The following GRK3 variants were observed in gnomAD, a reference collection of about 807,000 sequenced individuals.
GRK3 encodes the protein G protein-coupled receptor kinase 3.
Under a neutral mutation model 95.7 loss-of-function variants are expected in GRK3, and 54 were observed. That is an observed-to-expected ratio of 0.56 (90% CI 0.45 to 0.71). GRK3 has a LOEUF of 0.71. Ranked by LOEUF, GRK3 falls within the 30% of genes least tolerant of loss-of-function variation. The probability of loss-of-function intolerance (pLI) is 0.00; values close to 1 mark genes in which losing one functional copy is unlikely to be tolerated. For synonymous variants in GRK3, 281 were observed against 290.8 expected, an observed-to-expected ratio of 0.97 and a Z score of 0.34; for missense variants, 649 against 851.2, an observed-to-expected ratio of 0.76 and a Z score of 2.96.
intron 13 of GRK3, among the ~76,000 whole-genome samples, chr22:25,696,542 CAT>C: frequency 6.6e-6 from 1 of 152,314 alleles, no homozygotes; most frequent in East Asian, 1.9e-4. Context: ...TATTCAGACT[CAT>C]AAATCATTTT....
intron 3 of GRK3, chr22:25,647,849 G>A (rs1379477346): frequency 4.1e-6 from 3 of 730,958 alleles, no homozygotes; most frequent in Admixed American, 1.8e-5. Context: ...AGTGGCTCAT[G>A]CCTGTAATCC....
intron 3 of GRK3, among the ~76,000 whole-genome samples, chr22:25,657,562 G>A (rs1286246953): frequency 2.0e-5 from 3 of 152,112 alleles, no homozygotes; most frequent in Admixed American, 6.6e-5. Flanking sequence ...TATATATAAA[G>A]TGTGTTTCTT....
At position 25,723,646 on chromosome 22, in the gene GRK3, A is replaced by G. The variant is rs2085451728; in HGVS notation, c.*1196A>G. The G allele has an allele frequency of 6.6e-6, 1 of 152,128 alleles. No homozygotes were observed. The highest frequency in any genetic ancestry group is 2.1e-4 in the South Asian group (1 of 4,820). 9.4% of individuals were successfully genotyped at this position (152,128 alleles called of 1,614,324 possible). On this transcript the variant is annotated 3_prime_UTR_variant, in exon 21 of 21. Transcript: ENST00000324198. ...GATACCCCCAAATAGATGCTGGGTT[A>G]TGAGAACCAGCGAAATCCCCCATGT...
chr22:25,707,923 G>A (rs2085312601), intron 15 of GRK3, among the ~76,000 whole-genome samples: 1 of 152,056 alleles, frequency 6.6e-6, no homozygotes, highest in South Asian at 2.1e-4. Flanking sequence ...GCCCACAAAT[G>A]CCAGTAGCAT....
At position 25,722,411 on chromosome 22, in the gene GRK3, A is replaced by G. The variant is rs768719025; in HGVS notation, c.2028A>G (p.Pro676=). Reference sequence around the variant, plus strand: ...CTCGGTCAGGTACTGTGGAGCTCCCAAAGCCATCCCTCTGTCACAGAAACA... The same window carrying G: ...CTCGGTCAGGTACTGTGGAGCTCCCGAAGCCATCCCTCTGTCACAGAAACA... ...NKPRSGTVEL[P]KPSLCHRNSN... Residue 676 remains proline, a synonymous_variant, in exon 21 of 21, where the codon CCA becomes CCG. Transcript: ENST00000324198. 2 of 1,614,136 alleles carry G rather than the reference A, an allele frequency of 1.2e-6. No homozygotes were observed. Among genetic ancestry groups the G allele is most frequent in the South Asian group, 2.2e-5 (2 of 91,086 alleles).
intron 1 of GRK3, among the ~76,000 whole-genome samples, chr22:25,575,293 G>A (rs1931851939): frequency 6.6e-6 from 1 of 152,194 alleles, no homozygotes; most frequent in Non-Finnish European, 1.5e-5. Flanking sequence ...GAAGCGTTAT[G>A]GCCTATGGTT....
At chr22:25,571,218 A>G (rs1274188513) in intron 1 of GRK3, among the ~76,000 whole-genome samples, 4 of 152,118 alleles carry the variant, frequency 2.6e-5, no homozygotes, top group Non-Finnish European at 5.9e-5. Context: ...CATCCCTACT[A>G]CCTACCAAAC....
intron 12 of GRK3, among the ~76,000 whole-genome samples, chr22:25,693,974 A>T (rs1380321344): frequency 1.3e-5 from 2 of 151,986 alleles, no homozygotes; most frequent in African/African-American, 4.8e-5. Context: ...TATTTTTAGT[A>T]GAGACGGGGT....
intron 1 of GRK3, among the ~76,000 whole-genome samples, chr22:25,596,215 T>C (rs2084371540): frequency 6.6e-6 from 1 of 152,106 alleles, no homozygotes; most frequent in South Asian, 2.1e-4. Flanking sequence ...TGGGGAAAAA[T>C]GAGAGTCGTG....
At chr22:25,596,376 T>A (rs1397949007) in intron 1 of GRK3, among the ~76,000 whole-genome samples, 2 of 152,268 alleles carry the variant, frequency 1.3e-5, no homozygotes, top group Non-Finnish European at 2.9e-5. Flanking sequence ...TGAACTATTC[T>A]GCTTCAATCA....
At chr22:25,676,795 A>G (rs2085033582) in intron 8 of GRK3, among the ~76,000 whole-genome samples, 1 of 152,148 alleles carries the variant, frequency 6.6e-6, no homozygotes, top group Non-Finnish European at 1.5e-5. Context: ...CTTCTATTCT[A>G]TAGATCAAGT....
intron 1 of GRK3, among the ~76,000 whole-genome samples, chr22:25,569,465 G>T (rs993923564): frequency 1.3e-5 from 2 of 152,028 alleles, no homozygotes; most frequent in Admixed American, 1.3e-4. Flanking sequence ...GAGCCTCATA[G>T]ATCTCTCTGA....
At position 25,666,873 on chromosome 22, in the gene GRK3, C is replaced by T. The variant is rs1325201982; in HGVS notation, c.442-866C>T. On this transcript the variant is annotated intron_variant, in intron 5 of 20. Coordinates refer to ENST00000324198, the MANE Select transcript of GRK3 (RefSeq NM_005160.4). ...CCAAAACTATCTAATTGACTCTGGG[C>T]TGAACTGTGAAATATTGTCTCTTTA... 6.6e-5 allele frequency among the ~76,000 whole-genome samples: 10 copies of T among 152,222 alleles called. No individual in the cohort carries two copies. In the South Asian group the frequency reaches 8.3e-4, roughly 13 times the overall value.
intron 2 of GRK3, among the ~76,000 whole-genome samples, chr22:25,628,706 C>T (rs368750618): frequency 2.0e-5 from 3 of 152,194 alleles, no homozygotes; most frequent in Non-Finnish European, 2.9e-5. Flanking sequence ...AGGGACTGTA[C>T]ACAGGGAATG....
At chr22:25,703,313 T>C (rs1228244566) in intron 13 of GRK3, among the ~76,000 whole-genome samples, 197 bp from the exon 14 acceptor site, 1 of 152,238 alleles carries the variant, frequency 6.6e-6, no homozygotes, top group East Asian at 1.9e-4. Flanking sequence ...TCAAGTAAGA[T>C]ACAAGTCTTG....
chr22:25,717,043 T>G (rs59808103), intron 18 of GRK3, among the ~76,000 whole-genome samples: 25,747 of 152,230 alleles, frequency 0.17, 4,965 homozygotes, highest in African/African-American at 0.48. Context: ...TGTCTTCCAC[T>G]AAACTGGTCC....
chr22:25,667,673 T>C, intron 5 of GRK3, 66 bp from the exon 6 acceptor site: 2 of 1,151,876 alleles, frequency 1.7e-6, no homozygotes, highest in Non-Finnish European at 2.6e-6. Flanking sequence ...CTGAGTCTCA[T>C]TGGTTTGTGT....
intron 1 of GRK3, among the ~76,000 whole-genome samples, chr22:25,565,563 TC>T (rs1003488436): frequency 2.6e-5 from 4 of 152,102 alleles, no homozygotes; most frequent in African/African-American, 9.7e-5. Flanking sequence ...TTGCGCTCCA[TC>T]CTGGTCGCTC....
chr22:25,610,290 C>G (rs1054950458), intron 2 of GRK3, among the ~76,000 whole-genome samples: 1 of 152,138 alleles, frequency 6.6e-6, no homozygotes, highest in African/African-American at 2.4e-5. Flanking sequence ...CAGTGAGACC[C>G]TATCTGTATA....
Sources: gnomAD v4.1 joint callset for allele counts (sites outside exome capture counted in the v4.1 genomes callset) on GRCh38, gnomAD v4.1.1 for gene constraint, MANE v1.5 for transcripts, NCBI Gene and HGNC (gene_info 2026-07-23, HGNC 2026-07-21) for gene names.